LINGO3: variants seen among roughly 807,000 people sequenced by gnomAD.
The protein encoded by LINGO3 is leucine rich repeat and Ig domain containing 3.
For synonymous variants in LINGO3, 427 were observed against 444.2 expected, an observed-to-expected ratio of 0.96 and a Z score of 0.49; for missense variants, 750 against 867.7, an observed-to-expected ratio of 0.86 and a Z score of 1.70.
chr19:2,291,590 G>T, exon 1 of LINGO3: 1 of 1,543,830 alleles, frequency 6.5e-7, no homozygotes, highest in Non-Finnish European at 8.6e-7. Flanking sequence ...ATGCGGTTGC[G>T]GCTGAGCTCC....
chr19:2,291,303 G>T (rs1217366872), exon 1 of LINGO3: 4 of 1,612,806 alleles, frequency 2.5e-6, no homozygotes, highest in South Asian at 1.1e-5. Flanking sequence ...GGTCGTTGTC[G>T]CCCACTTCCA....
chr19:2,298,360 A>G, the LINGO3 span, among the ~76,000 whole-genome samples: 1 of 151,018 alleles, frequency 6.6e-6, no homozygotes, highest in Non-Finnish European at 1.5e-5. Context: ...CCTCTCAAGT[A>G]GCTGGGATTA....
At chr19:2,307,979 G>C in the LINGO3 span, among the ~76,000 whole-genome samples, 1 of 151,914 alleles carries the variant, frequency 6.6e-6, no homozygotes, top group East Asian at 1.9e-4. Context: ...ATGGGGTCGC[G>C]GGTTGGGGGC....
rs753173891 is a variant in LINGO3, at chr19:2,291,554, C to A, written c.223G>T (p.Ala75Ser). 1.3e-5 allele frequency: 21 copies of A among 1,591,570 alleles called. No individual in the cohort carries two copies. In the South Asian group the frequency reaches 2.4e-4, roughly 18 times the overall value. Residue 75 changes from alanine to serine, a missense_variant, in exon 1 of 1, where the codon GCC (alanine) becomes TCC (serine). Transcript: ENST00000585527. ...AGCTCCTCCAGCGCGGGCAGCGCGGCCAGGTCGCCCGGGTTCAGGCAGCGG... is the reference window on the plus strand; with the variant it reads ...AGCTCCTCCAGCGCGGGCAGCGCGGACAGGTCGCCCGGGTTCAGGCAGCGG...
chr19:2,296,294 C>T (rs1056251878), upstream of LINGO3, among the ~76,000 whole-genome samples: 2 of 152,104 alleles, frequency 1.3e-5, no homozygotes, highest in African/African-American at 2.4e-5. Context: ...CTGCCCACAG[C>T]CCAGGTGTGG....
exon 1 of LINGO3, chr19:2,291,673 G>T: frequency 1.5e-6 from 2 of 1,361,168 alleles, no homozygotes; most frequent in Non-Finnish European, 1.9e-6. Flanking sequence ...CACCGCGCGG[G>T]TCTGCACGGT....
chr19:2,301,366 G>C, the LINGO3 span, among the ~76,000 whole-genome samples: 4 of 151,954 alleles, frequency 2.6e-5, no homozygotes, highest in South Asian at 6.2e-4. Context: ...GCTGAGAAGC[G>C]TCCCTGGCCT....
At chr19:2,294,941 C>A (rs961215763), upstream of LINGO3, among the ~76,000 whole-genome samples, 2 of 152,092 alleles carry the variant, frequency 1.3e-5, no homozygotes, top group Admixed American at 6.6e-5. The surrounding 1 kb of genome is among the most constrained non-coding windows in gnomAD (Gnocchi z 4.3). Context: ...GCTGAGCCCC[C>A]CTCGGCATCC....
chr19:2,291,801 G>A (rs1002113483), exon 1 of LINGO3: 11 of 1,456,490 alleles, frequency 7.6e-6, no homozygotes, highest in Non-Finnish European at 8.2e-6. Flanking sequence ...GCCTAGGGCC[G>A]CGCCACCATC....
rs1268152507 is a variant in LINGO3 at position 2,291,478 on chromosome 19, T to C, written c.299A>G (p.Asn100Ser). 2.5e-6 allele frequency: 4 copies of C among 1,612,472 alleles called. No homozygotes were observed. The Admixed American group carries it at 5.0e-5, about 20-fold the overall frequency. The stretch of plus-strand genomic sequence containing the variant: ...ACGCAGGACGCGCAGGCGCGGCAGG[T>C]TGGCGAAGGCGCCGGGCTCCACGTG... Residue 100 changes from asparagine (N) to serine (S), a missense_variant, in exon 1 of 1, where the codon AAC (asparagine) becomes AGC (serine). Transcript: ENST00000585527.
At chr19:2,289,740 G>GCCCCCCCC, downstream of LINGO3, 1 of 189,610 alleles carries the variant, frequency 5.3e-6, no homozygotes, top group Non-Finnish European at 1.0e-5. Flanking sequence ...CTTGCAGCCC[G>GCCCCCCCC]CACCCCCACC....
chr19:2,287,295 T>C (rs2025477566), downstream of LINGO3, among the ~76,000 whole-genome samples: 1 of 152,082 alleles, frequency 6.6e-6, no homozygotes, highest in South Asian at 2.1e-4. The surrounding 1 kb of genome is among the most constrained non-coding windows in gnomAD (Gnocchi z 4.5). Context: ...AATCCTAATA[T>C]ACGGATGCTC....
the LINGO3 span, among the ~76,000 whole-genome samples, chr19:2,301,260 T>G: frequency 1.4e-5 from 2 of 145,708 alleles, no homozygotes; most frequent in African/African-American, 2.5e-5. Flanking sequence ...AGATTTAGTG[T>G]TTTTTTTTTT....
the LINGO3 span, among the ~76,000 whole-genome samples, chr19:2,301,586 CG>C: frequency 2.6e-5 from 4 of 152,094 alleles, no homozygotes; most frequent in Admixed American, 6.6e-5. Flanking sequence ...GACCCAGAGA[CG>C]GACGGCGACG....
the LINGO3 span, among the ~76,000 whole-genome samples, chr19:2,303,470 G>C: frequency 2.2e-4 from 33 of 152,240 alleles, no homozygotes; most frequent in Middle Eastern, 3.4e-3. Flanking sequence ...CTAAGCGAGG[G>C]GCGAGGCTGG....
At chr19:2,302,687 A>T in the LINGO3 span, among the ~76,000 whole-genome samples, 1 of 151,574 alleles carries the variant, frequency 6.6e-6, no homozygotes, top group Admixed American at 6.6e-5. Context: ...CGCGGCGTCG[A>T]CCCCTGTGGA....
At chr19:2,301,703 G>A in the LINGO3 span, among the ~76,000 whole-genome samples, 1 of 151,992 alleles carries the variant, frequency 6.6e-6, no homozygotes, top group Non-Finnish European at 1.5e-5. Flanking sequence ...CGAGGAGGGC[G>A]GATCACAAGT....
chr19:2,291,261 C>G, exon 1 of LINGO3: 1 of 1,612,210 alleles, frequency 6.2e-7, no homozygotes, highest in Non-Finnish European at 8.5e-7. Context: ...GGGCCAGCAG[C>G]CCCGCGAAGG....
At chr19:2,301,856 AG>A in the LINGO3 span, among the ~76,000 whole-genome samples, 1 of 142,304 alleles carries the variant, frequency 7.0e-6, no homozygotes. Context: ...TGAACCCGGA[AG>A]GTGGAGGTTG....
Sources: allele counts gnomAD v4.1 joint callset (sites outside exome capture counted in the v4.1 genomes callset), GRCh38; gene constraint gnomAD v4.1.1; non-coding constraint Gnocchi (gnomAD v3.1); transcripts MANE v1.5; gene names NCBI Gene and HGNC (gene_info 2026-07-23, HGNC 2026-07-21).